PNPLA7: variants seen among roughly 807,000 people sequenced by gnomAD.
The protein encoded by PNPLA7 is patatin like domain 7, lysophospholipase.
In PNPLA7, 153 loss-of-function variants were observed where a neutral mutation model predicts 161.7. The observed-to-expected ratio is 0.95, with a 90% CI of 0.83 to 1.08. PNPLA7 has a LOEUF of 1.08. PNPLA7 is among the 50% of genes least tolerant of loss of function. PNPLA7 has a pLI of 0.00. For missense variants in PNPLA7, 1,739 were observed against 1,856.6 expected, an observed-to-expected ratio of 0.94 and a Z score of 1.16; for synonymous variants, 809 against 782.1, an observed-to-expected ratio of 1.03 and a Z score of -0.57.
chr9:137,518,367 A>G (rs1314639455), intron 11 of PNPLA7, among the ~76,000 whole-genome samples: 4 of 58,276 alleles, frequency 6.9e-5, no homozygotes, highest in East Asian at 6.1e-4. Flanking sequence ...CCACTCACTC[A>G]TTCCACTCTG....
chr9:137,487,899 C>T (rs528208780), intron 20 of PNPLA7, among the ~76,000 whole-genome samples: 9 of 152,262 alleles, frequency 5.9e-5, no homozygotes, highest in Non-Finnish European at 1.3e-4. Context: ...ACCTTCACCG[C>T]ACGCACTTCA....
chr9:137,493,155 C>T, intron 19 of PNPLA7, 73 bp from the exon 20 acceptor site: 3 of 1,482,410 alleles, frequency 2.0e-6, no homozygotes, highest in Non-Finnish European at 2.8e-6. Flanking sequence ...GACAGTGATG[C>T]TCAACAACAG....
chr9:137,501,772 A>G (rs749310444), intron 14 of PNPLA7, 45 bp from the exon 15 acceptor site: 5 of 1,582,786 alleles, frequency 3.2e-6, no homozygotes, highest in African/African-American at 1.3e-5. Context: ...GGAAGCATAA[A>G]TGAAGGTCCA....
Position 137,540,727 on chromosome 9 carries a change from G to A in PNPLA7, c.667-5C>T, listed in dbSNP as rs377114126. On this transcript the variant is annotated splice_polypyrimidine_tract_variant and splice_region_variant and intron_variant, in intron 7 of 34. Coordinates refer to ENST00000406427, the MANE Select transcript of PNPLA7 (RefSeq NM_001098537.3). The surrounding 1 kb of genome is among the most constrained non-coding windows in gnomAD (Gnocchi z 5.1). ...CACCACCACCTCGGTGCCGTCCTGC[G>A]CTTGGAGAGCAGAGTGGGTGCCGTC... The A allele has an allele frequency of 2.2e-5, 35 of 1,605,972 alleles. No individual in the cohort carries two copies. Among genetic ancestry groups the A allele is most frequent in the East Asian group, 2.0e-4 (9 of 44,640 alleles).
At position 137,500,933 on chromosome 9, in the gene PNPLA7, G is replaced by A. The variant is rs1232869617; in HGVS notation, c.1552-37C>T. 6.5e-7 allele frequency: 1 copy of A among 1,530,164 alleles called. No homozygotes were observed. The highest frequency in any genetic ancestry group is 1.2e-5 in the South Asian group (1 of 83,566). 94.8% of individuals were successfully genotyped at this position (1,530,164 alleles called of 1,614,324 possible). A position where few individuals can be genotyped will look rare whatever the true frequency, so the allele number is the denominator to read the frequency against. ...GAGGGCTCAGGAGGCGCCGCGAGTG[G>A]CCGCGGGCAGGACGGGGGCAGCTCT... On this transcript the variant is annotated intron_variant, in intron 15 of 34. Coordinates refer to ENST00000406427, the MANE Select transcript of PNPLA7 (RefSeq NM_001098537.3). The surrounding 1 kb of genome is among the most constrained non-coding windows in gnomAD (Gnocchi z 5.5).
Position 137,497,274 on chromosome 9 carries a change from G to T in PNPLA7, c.1926C>A (p.Leu642=). Residue 642 remains leucine (L), a synonymous_variant, in exon 18 of 35, where the codon CTC becomes CTA. Transcript: ENST00000406427. ...GGATCACAGAGCGCAGCCGGCCGCT[G>T]AGCATGATGTACGTGCAGTCGGACT... ...GDKSDCTYIM[L]SGRLRSVIRK... The T allele has an allele frequency of 6.3e-7, 1 of 1,588,826 alleles. No homozygotes were observed. The highest frequency in any genetic ancestry group is 8.6e-7 in the Non-Finnish European group (1 of 1,168,386).
intron 14 of PNPLA7, among the ~76,000 whole-genome samples, chr9:137,503,883 A>C (rs1443139495): frequency 5.1e-5 from 6 of 117,622 alleles, no homozygotes; most frequent in East Asian, 2.4e-4. Flanking sequence ...AAGAAGAAAG[A>C]AGAAGGAAGA....
At position 137,537,045 on chromosome 9, in the gene PNPLA7, C is replaced by A. The variant is rs1835934319; in HGVS notation, c.747+3597G>T. 6.6e-6 allele frequency among the ~76,000 whole-genome samples: 1 copy of A among 152,134 alleles called. No individual in the cohort carries two copies. The highest frequency in any genetic ancestry group is 2.4e-5 in the African/African-American group (1 of 41,420). On this transcript the variant is annotated intron_variant, in intron 8 of 34. Transcript: ENST00000406427. This position sits in a 1 kb window ranked among gnomAD's most constrained non-coding sequence, Gnocchi z 4.5. ...GGCCATCCACCGAGCCACACTTTAT[C>A]TCCCACAACAGGAAGTCAGTGTGTC...
At chr9:137,501,241 C>T (rs1298384054) in intron 15 of PNPLA7, among the ~76,000 whole-genome samples, 2 of 152,204 alleles carry the variant, frequency 1.3e-5, no homozygotes, top group African/African-American at 2.4e-5. Flanking sequence ...TCGCCTGGGG[C>T]CTGGCCTCTG....
At chr9:137,522,200 G>A (rs2353070) in intron 9 of PNPLA7, among the ~76,000 whole-genome samples, 3 of 151,712 alleles carry the variant, frequency 2.0e-5, no homozygotes, top group African/African-American at 7.3e-5. Context: ...TCAGCCTCCC[G>A]AGTAGCTGGG....
chr9:137,462,290 C>T lies in PNPLA7; in HGVS notation c.3534G>A (p.Val1178=). 2 of 1,611,632 alleles carry T rather than the reference C, an allele frequency of 1.2e-6. No homozygotes were observed. Among genetic ancestry groups the T allele is most frequent in the Non-Finnish European group, 1.7e-6 (2 of 1,179,184 alleles). ...CCACCTCCAGCTGCCGCACGCAACACACGTAGGCCAGGCGCGTCTGAATCT... is the reference window on the plus strand; with the variant it reads ...CCACCTCCAGCTGCCGCACGCAACATACGTAGGCCAGGCGCGTCTGAATCT... ...MAEIQTRLAY[V]CCVRQLEVVK... The change falls in exon 31 of 35, where the codon GTG becomes GTA. Residue 1178 remains valine (V), a synonymous_variant. Coordinates refer to ENST00000406427, the MANE Select transcript of PNPLA7 (RefSeq NM_001098537.3).
At chr9:137,480,791 G>T in intron 22 of PNPLA7, 169 bp downstream of exon 22, 1 of 851,414 alleles carries the variant, frequency 1.2e-6, no homozygotes, top group Non-Finnish European at 1.8e-6. Context: ...GCAGGTCAGC[G>T]CTGCCCAGTG....
intron 20 of PNPLA7, among the ~76,000 whole-genome samples, chr9:137,489,590 C>G (rs1020630047): frequency 3.3e-5 from 5 of 152,192 alleles, no homozygotes; most frequent in African/African-American, 1.2e-4. Context: ...GACGATAAAG[C>G]TGTTATCATT....
At chr9:137,473,235 G>T (rs887406138) in intron 25 of PNPLA7, among the ~76,000 whole-genome samples, 2 of 152,150 alleles carry the variant, frequency 1.3e-5, no homozygotes, top group African/African-American at 4.8e-5. Flanking sequence ...GTGAGATTTG[G>T]GTGGGGACAT....
At chr9:137,494,453 G>A (rs559922817) in intron 19 of PNPLA7, among the ~76,000 whole-genome samples, 4 of 152,266 alleles carry the variant, frequency 2.6e-5, no homozygotes, top group East Asian at 1.9e-4. Context: ...CCTCCAGGTC[G>A]TTTTCCATCC....
rs1334814443 is a variant in PNPLA7, at chr9:137,523,769, A to G, written c.748-912T>C. Among the ~76,000 whole-genome samples, 4 of 152,020 alleles carry G rather than the reference A, an allele frequency of 2.6e-5. No individual in the cohort carries two copies. Among genetic ancestry groups the G allele is most frequent in the Admixed American group, 1.3e-4 (2 of 15,266 alleles). On this transcript the variant is annotated intron_variant, in intron 8 of 34. Coordinates refer to ENST00000406427, the MANE Select transcript of PNPLA7 (RefSeq NM_001098537.3). The surrounding 1 kb of genome is among the most constrained non-coding windows in gnomAD (Gnocchi z 4.4). ...AGCCTCCACAGTAGCTGGGGCTACA[A>G]GCGCCCGCCACCACGCCCGGCTAAT...
Position 137,460,684 on chromosome 9 carries a change from C to G in PNPLA7, c.3895G>C (p.Asp1299His). The change falls in exon 34 of 35, where the codon GAT (aspartate) becomes CAT (histidine). Residue 1299 changes from aspartate (D) to histidine (H), a missense_variant. Asp to His is a moderately conservative substitution (Grantham distance 81, BLOSUM62 -1). Around this residue, in one of 6 missense-constraint regions of PNPLA7, gnomAD observed 703 missense variants for 694.6 expected, o/e 1.01. Transcript: ENST00000406427. ...GTGCTCTGGAAGTCTGCGTATGCAT[C>G]CCTGGGGACGTCCAGCAGCTCCTCC... ...YEEELLDVPRDAYADFQSTSA... is the reference protein window; with the variant it reads ...YEEELLDVPRHAYADFQSTSA... 6.2e-7 allele frequency: 1 copy of G among 1,612,860 alleles called. No individual in the cohort carries two copies. The highest frequency in any genetic ancestry group is 1.1e-5 in the South Asian group (1 of 91,084).
intron 30 of PNPLA7, 63 bp downstream of exon 30, chr9:137,462,622 G>A (rs1321846801): frequency 4.4e-6 from 7 of 1,581,962 alleles, no homozygotes; most frequent in Admixed American, 1.7e-5. Context: ...CCTGCCGCAG[G>A]ACAGGTGTGG....
Position 137,505,601 on chromosome 9 carries a change from C to T in PNPLA7, c.1473+13G>A, listed in dbSNP as rs186794857. 3.7e-5 allele frequency: 60 copies of T among 1,613,394 alleles called. No homozygotes were observed. The African/African-American group carries it at 4.0e-4, about 11-fold the overall frequency. ...GGTGGGACAAGGGCCAGGTGCCCGC[C>T]GGGGCCACTCACTTCCAGCTTCATC... On this transcript the variant is annotated intron_variant, in intron 14 of 34. Coordinates refer to ENST00000406427, the MANE Select transcript of PNPLA7 (RefSeq NM_001098537.3).
Sources: gnomAD v4.1 joint callset for allele counts (sites outside exome capture counted in the v4.1 genomes callset) on GRCh38, gnomAD v4.1.1 for gene constraint, gnomAD v4.1.1 regional missense constraint, Gnocchi (gnomAD v3.1) non-coding constraint, MANE v1.5 for transcripts, NCBI Gene and HGNC (gene_info 2026-07-23, HGNC 2026-07-21) for gene names.